NIF3L1: variants seen among roughly 807,000 people sequenced by gnomAD.
NIF3L1 encodes the protein NIF3-like protein 1.
A neutral mutation model predicts 35.0 loss-of-function variants in NIF3L1; 26 were observed. The ratio of observed to expected loss-of-function variants is 0.74; its 90% CI spans 0.54 to 1.03. The LOEUF is 1.03. Among genes scored for constraint, NIF3L1 ranks in the 50% least tolerant of loss-of-function variants. The probability of loss-of-function intolerance (pLI) is 0.00; values close to 1 mark genes in which losing one functional copy is unlikely to be tolerated. For synonymous variants in NIF3L1, 157 were observed against 178.9 expected, an observed-to-expected ratio of 0.88 and a Z score of 0.98; for missense variants, 449 against 466.3, an observed-to-expected ratio of 0.96 and a Z score of 0.34.
intron 1 of NIF3L1, among the ~76,000 whole-genome samples, chr2:200,890,289 G>A (rs1388339533): frequency 6.6e-6 from 1 of 152,132 alleles, no homozygotes; most frequent in Non-Finnish European, 1.5e-5. Flanking sequence ...AGCTCAGGAA[G>A]TCGAGGCTGC....
chr2:200,893,864 C>CT (rs1168687093), intron 3 of NIF3L1, among the ~76,000 whole-genome samples: 2 of 151,930 alleles, frequency 1.3e-5, no homozygotes, highest in Non-Finnish European at 2.9e-5. Flanking sequence ...TCTGAATAGT[C>CT]TTTTTTTGTT....
chr2:200,903,504 C>G lies in NIF3L1; in HGVS notation c.960C>G (p.Ser320=). The G allele has an allele frequency of 6.2e-7, 1 of 1,612,480 alleles. No individual in the cohort carries two copies. Among genetic ancestry groups the G allele is most frequent in the African/African-American group, 1.3e-5 (1 of 74,994 alleles). Reference sequence around the variant, plus strand: ...TTCCCTTTTTGGTAGGTGAGATGTCCCATCATGATACTTTGGATGCTGCTT... The same window carrying G: ...TTCCCTTTTTGGTAGGTGAGATGTCGCATCATGATACTTTGGATGCTGCTT... The part of the protein sequence containing the change: ...EADLYLTGEM[S]HHDTLDAASQ... The change falls in exon 7 of 7, where the codon TCC becomes TCG. Residue 320 remains serine (S), a synonymous_variant. Coordinates refer to ENST00000409020, the MANE Select transcript of NIF3L1 (RefSeq NM_001369441.2).
rs200336342 is a variant in NIF3L1, at chr2:200,892,319, C to A, written c.376C>A (p.Pro126Thr). The part of the protein sequence containing the change: ...ALENRVGIYS[P>T]HTAYDAAPQG... The stretch of plus-strand genomic sequence containing the variant: ...GGAGAACAGAGTCGGTATCTACTCT[C>A]CTCATACAGCCTATGATGCTGCGCC... Residue 126 changes from proline (P) to threonine (T), a missense_variant, in exon 2 of 7, where the codon CCT (proline) becomes ACT (threonine). By Grantham distance (38) the Pro-to-Thr change is conservative. Transcript: ENST00000409020. 2.9e-4 allele frequency: 468 copies of A among 1,613,486 alleles called. 2 individuals are homozygous for A. In the East Asian group the frequency reaches 0.01, roughly 36 times the overall value.
At chr2:200,891,417 C>T (rs1417079441) in intron 1 of NIF3L1, among the ~76,000 whole-genome samples, 1 of 152,104 alleles carries the variant, frequency 6.6e-6, no homozygotes, top group African/African-American at 2.4e-5. Context: ...TACATAGTAG[C>T]TTTAGCATAA....
rs2040121301 is a variant in NIF3L1 at position 200,889,605 on chromosome 2, C to G, written c.-74C>G. On this transcript the variant is annotated 5_prime_UTR_variant, in exon 1 of 7. Transcript: ENST00000409020. The stretch of plus-strand genomic sequence containing the variant: ...ACTGGCTGTGTCTCGTGGTTTTTCA[C>G]TGTCCTGGAAAAGGCCTGAAGTGGC... The G allele has an allele frequency of 6.4e-6, 1 of 156,912 alleles. No homozygotes were observed. The highest frequency in any genetic ancestry group is 1.6e-4 in the South Asian group (1 of 6,096). The allele number at this position is 156,912 out of a possible 1,614,324, so 9.7% of individuals were successfully genotyped here.
chr2:200,898,439 T>C (rs1467614171), intron 5 of NIF3L1, among the ~76,000 whole-genome samples: 1 of 152,154 alleles, frequency 6.6e-6, no homozygotes, highest in Non-Finnish European at 1.5e-5. Context: ...ACTGCCCCCA[T>C]GATCCAATTA....
intron 3 of NIF3L1, among the ~76,000 whole-genome samples, chr2:200,894,743 A>G (rs1340742964): frequency 6.8e-6 from 1 of 146,506 alleles, no homozygotes; most frequent in Non-Finnish European, 1.5e-5. Flanking sequence ...TAATTTTTTA[A>G]TAATTAAAAA....
At chr2:200,897,321 T>C (rs752616195) in intron 5 of NIF3L1, 107 bp downstream of exon 5, 476 of 1,241,410 alleles carry the variant, frequency 3.8e-4, no homozygotes, top group Non-Finnish European at 3.4e-4. Context: ...TAGCAGCTCA[T>C]AGGAGATAAT....
chr2:200,903,382 C>T (rs1004459638), intron 6 of NIF3L1, 112 bp from the exon 7 acceptor site: 1 of 802,870 alleles, frequency 1.2e-6, no homozygotes. Flanking sequence ...CAGTTCTGCT[C>T]TATTACATTC....
At chr2:200,892,775 C>G (rs1559348836) in intron 2 of NIF3L1, among the ~76,000 whole-genome samples, 1 of 152,166 alleles carries the variant, frequency 6.6e-6, no homozygotes, top group African/African-American at 2.4e-5. Flanking sequence ...TTTACTTATG[C>G]CTAGCACAAT....
In NIF3L1 at chr2:200,889,476, C is replaced by T. The variant is rs2040117909; in HGVS notation, c.-203C>T. 4.8e-6 allele frequency: 1 copy of T among 208,350 alleles called. No homozygotes were observed. The highest frequency in any genetic ancestry group is 1.0e-5 in the Non-Finnish European group (1 of 99,764). 12.9% of individuals were successfully genotyped at this position (208,350 alleles called of 1,614,324 possible). A position where few individuals can be genotyped will look rare whatever the true frequency, so the allele number is the denominator to read the frequency against. On this transcript the variant is annotated 5_prime_UTR_variant, in exon 1 of 7. Coordinates refer to ENST00000409020, the MANE Select transcript of NIF3L1 (RefSeq NM_001369441.2). Reference sequence around the variant, plus strand: ...GGTTGGGGCCGGCTGTGATTGTTATCTTGGTGCTGCAGAGGACAGCAGAAG... The same window carrying T: ...GGTTGGGGCCGGCTGTGATTGTTATTTTGGTGCTGCAGAGGACAGCAGAAG...
intron 1 of NIF3L1, among the ~76,000 whole-genome samples, chr2:200,889,882 T>A (rs2124868639): frequency 6.6e-6 from 1 of 152,300 alleles, no homozygotes; most frequent in Admixed American, 6.5e-5. Flanking sequence ...GAGTCGGTGC[T>A]CTTAACCGCC....
chr2:200,900,328 C>T (rs2040392534), intron 6 of NIF3L1, among the ~76,000 whole-genome samples: 2 of 152,138 alleles, frequency 1.3e-5, no homozygotes, highest in Admixed American at 1.3e-4. Flanking sequence ...CAAACATGGC[C>T]CCTTACACCT....
At position 200,894,660 on chromosome 2, in the gene NIF3L1, G is replaced by C. The variant is rs71424271; in HGVS notation, c.600-604G>C. On this transcript the variant is annotated intron_variant, in intron 3 of 6. Coordinates refer to ENST00000409020, the MANE Select transcript of NIF3L1 (RefSeq NM_001369441.2). ...TGATCTCAGGTAATCCACCTACCTT[G>C]GCCTCCCAAAATGCTGGGATTACAG... Among the ~76,000 whole-genome samples the C allele has an allele frequency of 6.0e-3, 900 of 150,912 alleles. 3 individuals are homozygous for C. Among genetic ancestry groups the C allele is most frequent in the Admixed American group, 0.012 (180 of 15,148 alleles).
At chr2:200,896,848 T>C (rs983811200) in intron 4 of NIF3L1, among the ~76,000 whole-genome samples, 2 of 152,154 alleles carry the variant, frequency 1.3e-5, no homozygotes, top group African/African-American at 4.8e-5. Context: ...CCTCCCAAAG[T>C]GCTAGGATTA....
intron 1 of NIF3L1, among the ~76,000 whole-genome samples, chr2:200,890,080 G>C (rs2040140332): frequency 6.6e-6 from 1 of 152,170 alleles, no homozygotes; most frequent in Admixed American, 6.5e-5. Context: ...TTTCAAGGCC[G>C]GACGCAGTGG....
At chr2:200,903,305 TTCTC>T (rs1260892692) in intron 6 of NIF3L1, among the ~76,000 whole-genome samples, 185 bp from the exon 7 acceptor site, 1 of 152,148 alleles carries the variant, frequency 6.6e-6, no homozygotes, top group Admixed American at 6.5e-5. Flanking sequence ...GCCCAGACTT[TTCTC>T]TCTTTTTAAG....
intron 2 of NIF3L1, 40 bp from the exon 3 acceptor site, chr2:200,893,206 A>AC (rs745386582): frequency 3.5e-6 from 5 of 1,440,970 alleles, no homozygotes; most frequent in African/African-American, 1.5e-5. Context: ...TTAATCTCTC[A>AC]CCCCCCAAAA....
chr2:200,897,031 T>C, intron 4 of NIF3L1, 45 bp from the exon 5 acceptor site: 2 of 1,597,706 alleles, frequency 1.3e-6, no homozygotes, highest in Non-Finnish European at 1.7e-6. Flanking sequence ...TTTGTTGTTT[T>C]AGGACTAACA....
Sources: allele counts gnomAD v4.1 joint callset (sites outside exome capture counted in the v4.1 genomes callset), GRCh38; gene constraint gnomAD v4.1.1; transcripts MANE v1.5; gene names NCBI Gene and HGNC (gene_info 2026-07-23, HGNC 2026-07-21).